Variants in PDE3B observed in about 807,000 individuals in gnomAD.
PDE3B encodes cGMP-inhibited 3',5'-cyclic phosphodiesterase 3B.
PDE3B carries 66 observed loss-of-function variants against 116.8 expected under a neutral mutation model. That is an observed-to-expected ratio of 0.56 (90% CI 0.46 to 0.69). The LOEUF is 0.69. Among genes scored for constraint, PDE3B ranks in the 30% least tolerant of loss-of-function variants. The pLI is 0.00. For missense variants in PDE3B, 1,384 were observed against 1,368.1 expected, an observed-to-expected ratio of 1.01 and a Z score of -0.18; for synonymous variants, 595 against 533.6, an observed-to-expected ratio of 1.12 and a Z score of -1.59.
chr11:14,774,081 A>T (rs1857718957), intron 2 of PDE3B: 1 of 152,204 alleles, frequency 6.6e-6, no homozygotes, highest in South Asian at 2.1e-4. Flanking sequence ...TCCTAGAGGG[A>T]AAAGAGTAGC....
At chr11:14,885,939 A>G in the PDE3B span, 135 of 1,610,864 alleles carry the variant, frequency 8.4e-5, 1 homozygote, top group Non-Finnish European at 1.1e-4. Flanking sequence ...GAAGAAAAAC[A>G]ACATTTAAAT....
intron 1 of PDE3B, among the ~76,000 whole-genome samples, chr11:14,753,037 G>A (rs1857095884): frequency 6.6e-6 from 1 of 152,114 alleles, no homozygotes. Flanking sequence ...GAAGTGGTAA[G>A]ATAACATATT....
intron 1 of PDE3B, among the ~76,000 whole-genome samples, chr11:14,738,708 T>G (rs1215425351): frequency 2.6e-5 from 4 of 152,238 alleles, no homozygotes; most frequent in Non-Finnish European, 5.9e-5. Context: ...TTGCCTAGGT[T>G]TTCTTCTAGG....
chr11:14,745,305 A>G (rs1396531596), intron 1 of PDE3B, among the ~76,000 whole-genome samples: 2 of 152,244 alleles, frequency 1.3e-5, no homozygotes, highest in African/African-American at 4.8e-5. Flanking sequence ...TGATTCAGAG[A>G]AAGAATACTG....
rs532896392 is a variant in PDE3B, at chr11:14,808,801, T to G, written c.1522+4751T>G. ...CATTGAAAAAATCTTTGAAATAAAT[T>G]TAGCAAAATAGTACAAGACTTTTAC... is the stretch of plus-strand genomic sequence containing the variant. On this transcript the variant is annotated intron_variant, in intron 5 of 15. Coordinates refer to ENST00000282096, the MANE Select transcript of PDE3B (RefSeq NM_000922.4). Among the ~76,000 whole-genome samples the G allele has an allele frequency of 8.5e-5, 13 of 152,334 alleles. No homozygotes were observed. The South Asian group carries it at 2.1e-3, about 24-fold the overall frequency.
intron 1 of PDE3B, among the ~76,000 whole-genome samples, chr11:14,699,666 A>G (rs12419818): frequency 0.082 from 12,409 of 151,836 alleles, 535 homozygotes; most frequent in East Asian, 0.13. Flanking sequence ...AGTTTATACT[A>G]TGCCAGTGAT....
the PDE3B span, among the ~76,000 whole-genome samples, chr11:14,888,800 A>C: frequency 3.3e-5 from 5 of 152,236 alleles, no homozygotes; most frequent in Non-Finnish European, 7.3e-5. Context: ...TGCTGTAAAA[A>C]TAAATTAATA....
In PDE3B at chr11:14,803,954, T is replaced by C; in HGVS notation, c.1426T>C (p.Tyr476His). ...QEFGISSQGC[Y>H]LNGPFNSNLL... is the part of the protein sequence containing the mutation. ...ATTTTTCCCTTTTAGTCAAGGATGC[T>C]ATCTAAATGGGCCTTTTAATTCAAA... The change falls in exon 5 of 16, where the codon TAT becomes CAT. Residue 476 changes from tyrosine to histidine, a missense_variant. Coordinates refer to ENST00000282096, the MANE Select transcript of PDE3B (RefSeq NM_000922.4). 1 of 1,591,802 alleles carries C rather than the reference T, an allele frequency of 6.3e-7. No individual in the cohort carries two copies. The highest frequency in any genetic ancestry group is 8.6e-7 in the Non-Finnish European group (1 of 1,159,978).
intron 1 of PDE3B, among the ~76,000 whole-genome samples, chr11:14,657,256 T>C (rs1353380245): frequency 1.3e-5 from 2 of 152,186 alleles, no homozygotes; most frequent in African/African-American, 4.8e-5. Flanking sequence ...AGCATGTTGA[T>C]AACTATGCAG....
chr11:14,655,829 A>G (rs1215127024), intron 1 of PDE3B, among the ~76,000 whole-genome samples: 1 of 152,226 alleles, frequency 6.6e-6, no homozygotes, highest in Non-Finnish European at 1.5e-5. Context: ...ATGGAAAGCT[A>G]GTAAAGTGAG....
At chr11:14,696,170 G>T (rs1356738549) in intron 1 of PDE3B, among the ~76,000 whole-genome samples, 2 of 152,106 alleles carry the variant, frequency 1.3e-5, no homozygotes, top group Non-Finnish European at 1.5e-5. Context: ...GCCAGCATTT[G>T]TTGTTTCTTG....
chr11:14,644,114 C>A lies in PDE3B; in HGVS notation c.39C>A (p.Ser13=). The change falls in exon 1 of 16, where the codon TCC becomes TCA. Residue 13 remains serine (S), a synonymous_variant. Transcript: ENST00000282096. ...AGCGAGACGCCAAAGCCATGCGGTCCCTGCAGCCGCCGGATGGGGCCGGCT... is the reference window on the plus strand; with the variant it reads ...AGCGAGACGCCAAAGCCATGCGGTCACTGCAGCCGCCGGATGGGGCCGGCT... ...RDERDAKAMR[S]LQPPDGAGSP... 1.3e-6 allele frequency: 2 copies of A among 1,577,146 alleles called. No homozygotes were observed. The highest frequency in any genetic ancestry group is 1.7e-6 in the Non-Finnish European group (2 of 1,170,900).
At chr11:14,718,174 A>C (rs1262872720) in intron 1 of PDE3B, among the ~76,000 whole-genome samples, 1 of 101,096 alleles carries the variant, frequency 9.9e-6, no homozygotes, top group African/African-American at 4.0e-5. Context: ...GAGACAAAGA[A>C]GGCCATTACA....
chr11:14,798,621 G>T (rs374817693), intron 4 of PDE3B, among the ~76,000 whole-genome samples: 51 of 152,300 alleles, frequency 3.3e-4, no homozygotes, highest in African/African-American at 1.1e-3. Context: ...CTTGTTATTG[G>T]TCGGTTCAGG....
At chr11:14,693,118 G>A (rs1275505232) in intron 1 of PDE3B, among the ~76,000 whole-genome samples, 1 of 152,222 alleles carries the variant, frequency 6.6e-6, no homozygotes, top group Non-Finnish European at 1.5e-5. Context: ...GCCTATCCCA[G>A]ATCCAGGCCC....
chr11:14,681,127 G>C (rs1854691327), intron 1 of PDE3B, among the ~76,000 whole-genome samples: 1 of 152,172 alleles, frequency 6.6e-6, no homozygotes, highest in Non-Finnish European at 1.5e-5. Flanking sequence ...TTTCAAACCA[G>C]TGAAAAGCAC....
At chr11:14,764,965 T>A (rs555654744) in intron 1 of PDE3B, among the ~76,000 whole-genome samples, 1 of 151,972 alleles carries the variant, frequency 6.6e-6, no homozygotes, top group Admixed American at 6.6e-5. Flanking sequence ...CTTTAAACAA[T>A]TAGGAAATAT....
intron 4 of PDE3B, among the ~76,000 whole-genome samples, chr11:14,792,451 T>G (rs1858417783): frequency 6.6e-6 from 1 of 152,288 alleles, no homozygotes; most frequent in African/African-American, 2.4e-5. Flanking sequence ...TAATACAGGA[T>G]TTAATTTTGC....
intron 5 of PDE3B, among the ~76,000 whole-genome samples, chr11:14,816,595 T>C (rs1167810938): frequency 3.3e-5 from 5 of 152,220 alleles, no homozygotes; most frequent in Middle Eastern, 3.2e-3. Context: ...TTAGCACTTG[T>C]TTGTATTCTT....
Sources: gnomAD v4.1 joint callset for allele counts (sites outside exome capture counted in the v4.1 genomes callset) on GRCh38, gnomAD v4.1.1 for gene constraint, MANE v1.5 for transcripts, NCBI Gene and HGNC (gene_info 2026-07-23, HGNC 2026-07-21) for gene names.